HTR1F: variants seen among roughly 807,000 people sequenced by gnomAD.
HTR1F encodes the protein 5-hydroxytryptamine receptor 1F.
HTR1F carries 17 observed loss-of-function variants against 24.0 expected under a neutral mutation model. The observed-to-expected ratio is 0.71, with a 90% CI of 0.48 to 1.06. The LOEUF (loss-of-function observed/expected upper bound fraction) is 1.06. Ranked by LOEUF, HTR1F falls within the 50% of genes least tolerant of loss-of-function variation. HTR1F has a pLI of 0.00. For synonymous variants in HTR1F, 186 were observed against 156.8 expected (o/e 1.19, Z -1.39); for missense variants, 391 against 427.8 (o/e 0.91, Z 0.76).
At chr3:87,890,843 C>CT (rs5850816) in intron 2 of HTR1F, among the ~76,000 whole-genome samples, 25,655 of 139,072 alleles carry the variant, frequency 0.18, 3,860 homozygotes, top group African/African-American at 0.42. Flanking sequence ...TCAATTATTT[C>CT]TTTTTTTTTT....
At chr3:87,831,682 A>G (rs1230141181) in intron 2 of HTR1F, among the ~76,000 whole-genome samples, 1 of 152,128 alleles carries the variant, frequency 6.6e-6, no homozygotes, top group Non-Finnish European at 1.5e-5. Flanking sequence ...AATTATTTCT[A>G]TCCAGAAGAA....
chr3:87,859,503 A>G (rs1490835370), intron 2 of HTR1F, among the ~76,000 whole-genome samples: 2 of 152,208 alleles, frequency 1.3e-5, no homozygotes, highest in African/African-American at 2.4e-5. Flanking sequence ...ATGAAAGCAT[A>G]TTAACAAAAT....
At chr3:87,846,982 T>C (rs12492131) in intron 2 of HTR1F, among the ~76,000 whole-genome samples, 18,744 of 151,560 alleles carry the variant, frequency 0.12, 1,625 homozygotes, top group African/African-American at 0.22. Context: ...TTTTTGTAGA[T>C]AAATATATTA....
chr3:87,934,377 A>G (rs1008244819), intron 2 of HTR1F, among the ~76,000 whole-genome samples: 3 of 152,080 alleles, frequency 2.0e-5, no homozygotes, highest in African/African-American at 7.2e-5. Flanking sequence ...AACAGTCCAT[A>G]TCTATGACTC....
At position 87,935,216 on chromosome 3, in the gene HTR1F, C is replaced by T. The variant is rs186972926; in HGVS notation, c.-42-55492C>T. Among the ~76,000 whole-genome samples the T allele has an allele frequency of 9.2e-4, 140 of 152,208 alleles. 2 individuals carry two copies. The highest frequency in any genetic ancestry group is 3.2e-3 in the African/African-American group (132 of 41,528). On this transcript the variant is annotated intron_variant, in intron 2 of 2. Transcript: ENST00000319595. ...TGGACTCTAAAGGCAGAGACAACAA[C>T]GTGAGAAGTACTAACAAGGCCCCAA...
chr3:87,818,746 G>A (rs1395290509), intron 1 of HTR1F, among the ~76,000 whole-genome samples: 2 of 152,280 alleles, frequency 1.3e-5, no homozygotes, highest in Non-Finnish European at 1.5e-5. Flanking sequence ...GAAGCATAGA[G>A]CACAAAATTT....
At chr3:87,881,999 A>C (rs564035510) in intron 2 of HTR1F, among the ~76,000 whole-genome samples, 52 of 152,346 alleles carry the variant, frequency 3.4e-4, no homozygotes, top group African/African-American at 1.2e-3. Context: ...CAATGAACTC[A>C]AACAAATTTA....
At chr3:87,812,591 G>A (rs1704180054) in intron 1 of HTR1F, among the ~76,000 whole-genome samples, 1 of 152,200 alleles carries the variant, frequency 6.6e-6, no homozygotes, top group Non-Finnish European at 1.5e-5. Context: ...TCAACCTGCT[G>A]CAGAAATTTG....
intron 1 of HTR1F, among the ~76,000 whole-genome samples, chr3:87,805,936 C>T (rs1408726971): frequency 2.6e-5 from 4 of 151,598 alleles, no homozygotes; most frequent in Non-Finnish European, 5.9e-5. Context: ...TTTTTTTTGC[C>T]CCATTTACAT....
In HTR1F at chr3:87,892,332, T is replaced by G. The variant is rs552857439; in HGVS notation, c.-43+70208T>G. Among the ~76,000 whole-genome samples the G allele has an allele frequency of 2.3e-4, 35 of 152,338 alleles. 1 individual carries two copies. The South Asian group carries it at 7.0e-3, about 31-fold the overall frequency. On this transcript the variant is annotated intron_variant, in intron 2 of 2. Coordinates refer to ENST00000319595, the MANE Select transcript of HTR1F (RefSeq NM_001322209.2). ...TACTGGCACTTTCCCTAGAAGATGT[T>G]AAAGCCTCTATCTCTTTCATTTAAC...
chr3:87,882,654 A>G (rs1417386947), intron 2 of HTR1F, among the ~76,000 whole-genome samples: 1 of 143,600 alleles, frequency 7.0e-6, no homozygotes, highest in Non-Finnish European at 1.5e-5. Flanking sequence ...GAATTGAACA[A>G]TGAGAACATA....
chr3:87,870,273 A>G (rs1705526184), intron 2 of HTR1F, among the ~76,000 whole-genome samples: 4 of 152,134 alleles, frequency 2.6e-5, no homozygotes, highest in Admixed American at 2.6e-4. Flanking sequence ...CTCAAGGAAT[A>G]TTCTCAGGAT....
In HTR1F at chr3:87,987,879, T is replaced by C. The variant is rs554178287; in HGVS notation, c.-42-2829T>C. On this transcript the variant is annotated intron_variant, in intron 2 of 2. Transcript: ENST00000319595. ...TGTATTTTATATATATATGCCAGTG[T>C]AAAATAATTTAAGAAACTCCAAGAA... Among the ~76,000 whole-genome samples the C allele has an allele frequency of 4.1e-5, 6 of 147,540 alleles. No individual in the cohort carries two copies. The South Asian group carries it at 1.3e-3, about 31-fold the overall frequency.
At chr3:87,980,685 G>T (rs1705521604) in intron 2 of HTR1F, among the ~76,000 whole-genome samples, 1 of 144,054 alleles carries the variant, frequency 6.9e-6, no homozygotes, top group Non-Finnish European at 1.5e-5. Flanking sequence ...GTACTGAGGG[G>T]CATCTGCAGG....
intron 2 of HTR1F, among the ~76,000 whole-genome samples, chr3:87,917,389 A>T (rs1416937906): frequency 1.3e-5 from 2 of 151,568 alleles, no homozygotes; most frequent in Admixed American, 6.6e-5. Flanking sequence ...TTGAAGCAAA[A>T]AAAAAAAAAA....
At chr3:87,900,451 T>G (rs1275781380) in intron 2 of HTR1F, among the ~76,000 whole-genome samples, 1 of 152,098 alleles carries the variant, frequency 6.6e-6, no homozygotes. Flanking sequence ...ACCTTTAATT[T>G]AAATAAGATG....
chr3:87,869,363 A>C (rs1705495720), intron 2 of HTR1F, among the ~76,000 whole-genome samples: 1 of 151,928 alleles, frequency 6.6e-6, no homozygotes, highest in African/African-American at 2.4e-5. Context: ...AAAAAAACAG[A>C]ACCAATAGGA....
At chr3:87,827,137 T>C (rs1257229508) in intron 2 of HTR1F, among the ~76,000 whole-genome samples, 2 of 151,366 alleles carry the variant, frequency 1.3e-5, no homozygotes, top group Non-Finnish European at 2.9e-5. Flanking sequence ...TTTTTTTTTT[T>C]ACTTTAAGTC....
chr3:87,988,251 C>T (rs1705721920), intron 2 of HTR1F, among the ~76,000 whole-genome samples: 1 of 151,952 alleles, frequency 6.6e-6, no homozygotes, highest in Admixed American at 6.6e-5. Flanking sequence ...AAGACTTTAG[C>T]CTCCATTCTT....
Sources: allele counts gnomAD v4.1 joint callset (sites outside exome capture counted in the v4.1 genomes callset), GRCh38; gene constraint gnomAD v4.1.1; transcripts MANE v1.5; gene names NCBI Gene and HGNC (gene_info 2026-07-23, HGNC 2026-07-21).